AFF1: variants seen among roughly 807,000 people sequenced by gnomAD.
The protein encoded by AFF1 is AF4/FMR2 family member 1.
AFF1 carries 48 observed loss-of-function variants against 121.7 expected under a neutral mutation model. The ratio of observed to expected loss-of-function variants is 0.39; its 90% CI spans 0.31 to 0.50. AFF1 has a LOEUF of 0.50. Among genes scored for constraint, AFF1 ranks in the 20% least tolerant of loss-of-function variants. AFF1 has a pLI of 0.76. For synonymous variants in AFF1, 613 were observed against 563.0 expected (o/e 1.09, Z -1.26); for missense variants, 1,523 against 1,511.7 (o/e 1.01, Z -0.12).
intron 16 of AFF1, among the ~76,000 whole-genome samples, chr4:87,128,203 C>T (rs1728482528): frequency 6.6e-6 from 1 of 152,108 alleles, no homozygotes; most frequent in African/African-American, 2.4e-5. Flanking sequence ...CAGAGGCTGA[C>T]CTGAAGGAAG....
intron 2 of AFF1, among the ~76,000 whole-genome samples, chr4:87,017,596 A>T (rs1179910302): frequency 6.6e-6 from 1 of 152,224 alleles, no homozygotes; most frequent in South Asian, 2.1e-4. Flanking sequence ...GTTAAGTAGA[A>T]ATCCTTTATT....
intron 2 of AFF1, among the ~76,000 whole-genome samples, chr4:86,988,288 CTG>C (rs1724445680): frequency 6.6e-6 from 1 of 152,166 alleles, no homozygotes; most frequent in South Asian, 2.1e-4. Flanking sequence ...TTCCATCTAA[CTG>C]TATGTTTTGA....
chr4:87,135,481 G>A, intron 20 of AFF1, 99 bp from the exon 21 acceptor site: 4 of 1,237,622 alleles, frequency 3.2e-6, no homozygotes, highest in Non-Finnish European at 4.4e-6. Context: ...GAATATTGTG[G>A]GGACCTACCT....
At position 87,137,802 on chromosome 4, in the gene AFF1, C is replaced by A. The variant is rs924386167; in HGVS notation, c.*2101C>A. Reference sequence around the variant, plus strand: ...ATTTAACATCTTTCTTTTTTCCTTACTCCCTTAGCCATCCCCTCCCCTTTT... The same window carrying A: ...ATTTAACATCTTTCTTTTTTCCTTAATCCCTTAGCCATCCCCTCCCCTTTT... On this transcript the variant is annotated 3_prime_UTR_variant, in exon 21 of 21. Transcript: ENST00000395146. 3.9e-5 allele frequency: 9 copies of A among 231,736 alleles called. No homozygotes were observed. 14.4% of individuals were successfully genotyped at this position (231,736 alleles called of 1,614,324 possible). A position where few individuals can be genotyped will look rare whatever the true frequency, so the allele number is the denominator to read the frequency against.
At chr4:86,993,917 A>T (rs962219167) in intron 2 of AFF1, among the ~76,000 whole-genome samples, 1 of 152,204 alleles carries the variant, frequency 6.6e-6, no homozygotes, top group Non-Finnish European at 1.5e-5. Flanking sequence ...GTGAGCTGAG[A>T]TCGTGCCATT....
At chr4:86,966,399 A>G (rs1722543817) in intron 2 of AFF1, among the ~76,000 whole-genome samples, 1 of 152,020 alleles carries the variant, frequency 6.6e-6, no homozygotes, top group African/African-American at 2.4e-5. Flanking sequence ...GGCATTCCTC[A>G]AATCTCTATC....
At chr4:87,086,321 C>T (rs115266534) in intron 5 of AFF1, among the ~76,000 whole-genome samples, 2,375 of 152,150 alleles carry the variant, frequency 0.016, 47 homozygotes, top group African/African-American at 0.043. Context: ...TCTTAGGTTT[C>T]GGTGTGTGTT....
chr4:86,982,555 G>A (rs1161253129), intron 2 of AFF1, among the ~76,000 whole-genome samples: 2 of 151,530 alleles, frequency 1.3e-5, no homozygotes, highest in African/African-American at 2.4e-5. Flanking sequence ...AATGGGATTA[G>A]TGCCCTTATA....
At position 87,068,257 on chromosome 4, in the gene AFF1, GC is replaced by G. The variant is rs70957204; in HGVS notation, c.1060-15853del. Among the ~76,000 whole-genome samples, 61 of 120,190 alleles carry G rather than the reference GC, an allele frequency of 5.1e-4. 1 individual carries two copies. Among genetic ancestry groups the G allele is most frequent in the East Asian group, 3.4e-3 (15 of 4,392 alleles). 78.8% of individuals were successfully genotyped at this position (120,190 alleles called of 152,430 possible). ...GGGCTATAATGTAAGCATGAAAATT[GC>G]CCCCCCCCCACTCCATGAATAAATT... is the stretch of plus-strand genomic sequence containing the variant. On this transcript the variant is annotated intron_variant, in intron 4 of 20. Coordinates refer to ENST00000395146, the MANE Select transcript of AFF1 (RefSeq NM_001166693.3).
intron 2 of AFF1, chr4:87,007,146 C>T (rs1726218943): frequency 2.3e-6 from 3 of 1,284,754 alleles, no homozygotes; most frequent in African/African-American, 3.1e-5. Flanking sequence ...CGGCGCTCCC[C>T]GGGCTCGTCT....
intron 2 of AFF1, among the ~76,000 whole-genome samples, chr4:86,999,296 C>G (rs2149517949): frequency 6.6e-6 from 1 of 152,250 alleles, no homozygotes; most frequent in Admixed American, 6.5e-5. Context: ...TGCTTTTATT[C>G]CCAAGGAAGG....
chr4:86,952,385 G>A (rs930996400), intron 2 of AFF1, among the ~76,000 whole-genome samples: 2 of 152,164 alleles, frequency 1.3e-5, no homozygotes, highest in African/African-American at 4.8e-5. Flanking sequence ...GATTTTCGTG[G>A]AGGTGATTTT....
intron 11 of AFF1, among the ~76,000 whole-genome samples, chr4:87,111,249 C>T (rs1334357582): frequency 3.4e-5 from 1 of 29,612 alleles, no homozygotes; most frequent in African/African-American, 9.3e-5. Context: ...GATCTCCTGA[C>T]CTCGTGATCC....
At chr4:86,937,201 T>G (rs1490370230) in intron 1 of AFF1, among the ~76,000 whole-genome samples, 1 of 152,280 alleles carries the variant, frequency 6.6e-6, no homozygotes, top group African/African-American at 2.4e-5. Flanking sequence ...ATTTGTGGCT[T>G]TGGCATTTGC....
At chr4:86,964,128 GTTT>G (rs571643813) in intron 2 of AFF1, among the ~76,000 whole-genome samples, 1 of 132,032 alleles carries the variant, frequency 7.6e-6, no homozygotes. Context: ...TGTTCTTTTG[GTTT>G]TTTTTTTTTT....
Position 87,047,329 on chromosome 4 carries a change from C to T in AFF1, c.794C>T (p.Thr265Ile), listed in dbSNP as rs775143095. The change falls in exon 4 of 21, where the codon ACC becomes ATC. Residue 265 changes from threonine (T) to isoleucine (I), a missense_variant. Around this residue, in one of 5 missense-constraint regions of AFF1, gnomAD observed 369 missense variants for 367.2 expected, o/e 1.00. Transcript: ENST00000395146. ...DLAVKVHDKE[T>I]PQDSLVAPAQ... is the part of the protein sequence containing the mutation. The stretch of plus-strand genomic sequence containing the variant: ...GCAGTGAAAGTCCATGATAAAGAGA[C>T]CCCTCAAGACAGTTTGGTGGCCCCT... The T allele has an allele frequency of 6.2e-7, 1 of 1,614,146 alleles. No individual in the cohort carries two copies. The highest frequency in any genetic ancestry group is 1.1e-5 in the South Asian group (1 of 91,080).
intron 8 of AFF1, among the ~76,000 whole-genome samples, chr4:87,099,912 T>G (rs1210876823): frequency 6.6e-6 from 1 of 152,088 alleles, no homozygotes. Context: ...AGGGTGACAT[T>G]TGATAAGAGA....
intron 2 of AFF1, among the ~76,000 whole-genome samples, chr4:86,974,935 T>G (rs1402937604): frequency 6.6e-6 from 1 of 152,198 alleles, no homozygotes; most frequent in Non-Finnish European, 1.5e-5. Flanking sequence ...TCCAGCTAAC[T>G]GTTGCCTCTT....
chr4:87,019,440 C>G (rs149830584), intron 2 of AFF1, among the ~76,000 whole-genome samples: 466 of 152,292 alleles, frequency 3.1e-3, no homozygotes, highest in Non-Finnish European at 5.2e-3. Flanking sequence ...GCCCCATACT[C>G]TGGAGGAAGG....
Sources: gnomAD v4.1 joint callset for allele counts (sites outside exome capture counted in the v4.1 genomes callset) on GRCh38, gnomAD v4.1.1 for gene constraint, gnomAD v4.1.1 regional missense constraint, MANE v1.5 for transcripts, NCBI Gene and HGNC (gene_info 2026-07-23, HGNC 2026-07-21) for gene names.